VPS13A: variants seen among roughly 807,000 people sequenced by gnomAD.
VPS13A encodes vacuolar protein sorting 13 homolog A, also known as intermembrane lipid transfer protein VPS13A.
A neutral mutation model predicts 390.9 loss-of-function variants in VPS13A; 264 were observed. That is an observed-to-expected ratio of 0.68 (90% CI 0.61 to 0.75). The LOEUF (loss-of-function observed/expected upper bound fraction) is 0.75, where lower values mean the gene tolerates loss of function less well. Ranked by LOEUF, VPS13A falls within the 30% of genes least tolerant of loss-of-function variation. VPS13A has a pLI of 0.00. For synonymous variants in VPS13A, 1,231 were observed against 1,227.1 expected (o/e 1.00, Z -0.07); for missense variants, 3,409 against 3,733.9 (o/e 0.91, Z 2.27).
intron 39 of VPS13A, among the ~76,000 whole-genome samples, chr9:77,317,381 C>T (rs1829461773): frequency 1.3e-5 from 2 of 151,774 alleles, no homozygotes; most frequent in South Asian, 4.2e-4. Flanking sequence ...TTCTGAGCTA[C>T]CTTGTGCTCA....
At chr9:77,265,779 G>C (rs189369604) in intron 23 of VPS13A, among the ~76,000 whole-genome samples, 3 of 151,966 alleles carry the variant, frequency 2.0e-5, no homozygotes, top group Non-Finnish European at 4.4e-5. Context: ...AGGGTTTTTC[G>C]TGTCTCTATC....
chr9:77,228,228 C>T lies in VPS13A; in HGVS notation c.1559C>T (p.Thr520Ile). The change falls in exon 17 of 72, where the codon ACC (threonine) becomes ATC (isoleucine). Residue 520 changes from threonine to isoleucine, a missense_variant. Physicochemically the swap from Thr to Ile is moderately conservative, Grantham distance 89. Coordinates refer to ENST00000360280, the MANE Select transcript of VPS13A (RefSeq NM_033305.3). Reference sequence around the variant, plus strand: ...GATATTGTAATAGAAGAATTTAGCACCTTAATTGTGCAAAGACCAGGAGCA... The same window carrying T: ...GATATTGTAATAGAAGAATTTAGCATCTTAATTGTGCAAAGACCAGGAGCA... ...LVDIVIEEFS[T>I]LIVQRPGAQA... 6.2e-7 allele frequency: 1 copy of T among 1,602,042 alleles called. No individual in the cohort carries two copies. The highest frequency in any genetic ancestry group is 8.5e-7 in the Non-Finnish European group (1 of 1,173,832).
intron 37 of VPS13A, among the ~76,000 whole-genome samples, 153 bp from the exon 38 acceptor site, chr9:77,315,100 A>G (rs151047500): frequency 6.6e-4 from 101 of 152,248 alleles, no homozygotes; most frequent in African/African-American, 2.1e-3. Flanking sequence ...TAAGTTTGTT[A>G]TTTGGAACAC....
intron 68 of VPS13A, among the ~76,000 whole-genome samples, chr9:77,384,416 A>G (rs1018363956): frequency 1.3e-5 from 2 of 151,966 alleles, no homozygotes; most frequent in African/African-American, 4.8e-5. Context: ...TCTTAGGTCT[A>G]TTAAGTTATG....
At chr9:77,182,566 A>C (rs1824086980) in intron 1 of VPS13A, among the ~76,000 whole-genome samples, 1 of 152,216 alleles carries the variant, frequency 6.6e-6, no homozygotes, top group African/African-American at 2.4e-5. Flanking sequence ...GTACATTTTA[A>C]GAGAACATTA....
At chr9:77,215,207 G>C (rs1201127344) in intron 10 of VPS13A, among the ~76,000 whole-genome samples, 1 of 152,188 alleles carries the variant, frequency 6.6e-6, no homozygotes, top group Non-Finnish European at 1.5e-5. Flanking sequence ...GTTGGTGATG[G>C]ATAACTTAAT....
chr9:77,357,861 G>A (rs113242839), intron 56 of VPS13A, 23 bp downstream of exon 56: 147 of 1,601,814 alleles, frequency 9.2e-5, no homozygotes, highest in Non-Finnish European at 1.1e-4. Flanking sequence ...GAAAATATAG[G>A]CAAAATTGTA....
At chr9:77,232,909 G>A (rs1314663743) in intron 17 of VPS13A, among the ~76,000 whole-genome samples, 2 of 152,058 alleles carry the variant, frequency 1.3e-5, no homozygotes, top group Non-Finnish European at 2.9e-5. Context: ...TTTGTTGAGA[G>A]TTTTTGGTTA....
intron 63 of VPS13A, 130 bp downstream of exon 63, chr9:77,369,542 G>A: frequency 1.4e-6 from 1 of 727,944 alleles, no homozygotes; most frequent in Non-Finnish European, 2.5e-6. Flanking sequence ...ACATCATTTT[G>A]CAGCAAACAA....
chr9:77,240,261 A>T (rs971783243), intron 19 of VPS13A, among the ~76,000 whole-genome samples: 1 of 151,206 alleles, frequency 6.6e-6, no homozygotes, highest in Non-Finnish European at 1.5e-5. Context: ...TTTTAAAAAA[A>T]TTTTTAATAG....
At chr9:77,362,264 A>G (rs1832187928) in intron 59 of VPS13A, among the ~76,000 whole-genome samples, 2 of 152,156 alleles carry the variant, frequency 1.3e-5, no homozygotes, top group South Asian at 4.1e-4. Context: ...CGTTTTACGA[A>G]TTTTAAAGAT....
At chr9:77,409,065 C>A (rs1226760575) in intron 71 of VPS13A, among the ~76,000 whole-genome samples, 1 of 152,212 alleles carries the variant, frequency 6.6e-6, no homozygotes. Flanking sequence ...CAGACTGACA[C>A]CTCACACGGC....
intron 43 of VPS13A, 41 bp from the exon 44 acceptor site, chr9:77,321,450 T>C (rs1461889215): frequency 6.2e-7 from 1 of 1,610,044 alleles, no homozygotes; most frequent in Non-Finnish European, 8.5e-7. Context: ...TCATTTAATT[T>C]TACACATTTC....
chr9:77,347,177 A>G (rs145343993), intron 52 of VPS13A, among the ~76,000 whole-genome samples: 2 of 152,058 alleles, frequency 1.3e-5, no homozygotes, highest in African/African-American at 2.4e-5. Flanking sequence ...GGCTCCTTTT[A>G]TGGTTCCATA....
intron 33 of VPS13A, among the ~76,000 whole-genome samples, chr9:77,300,349 T>C (rs1435128367): frequency 6.6e-6 from 1 of 152,236 alleles, no homozygotes; most frequent in Non-Finnish European, 1.5e-5. Flanking sequence ...GGATAATTCA[T>C]TTCCTGAGGA....
intron 4 of VPS13A, 34 bp from the exon 5 acceptor site, chr9:77,205,944 T>G (rs766986433): frequency 1.6e-5 from 23 of 1,394,844 alleles, no homozygotes; most frequent in Non-Finnish European, 2.0e-5. Context: ...AAATTTAAGG[T>G]AGTTATGATT....
chr9:77,264,078 A>G (rs1018379629), intron 23 of VPS13A, among the ~76,000 whole-genome samples: 3 of 152,010 alleles, frequency 2.0e-5, no homozygotes, highest in Admixed American at 1.3e-4. Context: ...TGTTTTTGTC[A>G]GATTTGTCAA....
intron 22 of VPS13A, among the ~76,000 whole-genome samples, chr9:77,252,787 C>T (rs1309786754): frequency 6.6e-6 from 1 of 152,180 alleles, no homozygotes; most frequent in African/African-American, 2.4e-5. Context: ...ATAATGTCTT[C>T]AAGATTCATC....
At chr9:77,283,051 G>A (rs1827131976) in intron 29 of VPS13A, among the ~76,000 whole-genome samples, 1 of 151,956 alleles carries the variant, frequency 6.6e-6, no homozygotes, top group Admixed American at 6.6e-5. Flanking sequence ...ATAATGACAA[G>A]TATCACCTAG....
Sources: allele counts gnomAD v4.1 joint callset (sites outside exome capture counted in the v4.1 genomes callset), GRCh38; gene constraint gnomAD v4.1.1; transcripts MANE v1.5; gene names NCBI Gene and HGNC (gene_info 2026-07-23, HGNC 2026-07-21).